Variants in PWWP3B observed in about 807,000 individuals in gnomAD.
PWWP3B encodes the protein PWWP domain containing 3B.
In PWWP3B, 5 loss-of-function variants were observed where a neutral mutation model predicts 15.7. The observed-to-expected ratio is 0.32, with a 90% CI of 0.17 to 0.67. The LOEUF is 0.67. PWWP3B is among the 30% of genes least tolerant of loss of function. PWWP3B has a pLI of 0.74. For missense variants in PWWP3B, 519 were observed against 493.1 expected, an observed-to-expected ratio of 1.05 and a Z score of -0.50; for synonymous variants, 203 against 179.8, an observed-to-expected ratio of 1.13 and a Z score of -1.03.
At chrX:106,185,037 A>G (rs777383829) in intron 2 of PWWP3B, among the ~76,000 whole-genome samples, 1 of 111,533 alleles carries the variant, frequency 9.0e-6, no homozygotes, top group East Asian at 2.8e-4. Context: ...ATAGTTGTGG[A>G]TTCTCCTTCA....
chrX:106,169,206 C>T (rs762902594), intron 1 of PWWP3B, among the ~76,000 whole-genome samples: 210 of 111,417 alleles, frequency 1.9e-3, no homozygotes, highest in African/African-American at 6.6e-3. Flanking sequence ...GAGATGAGAA[C>T]TTAAAATCAT....
Position 106,206,099 on chromosome X carries a change from G to T in PWWP3B, c.667G>T (p.Ala223Ser), listed in dbSNP as rs771919979. ...CTCAGCAGTTATGTCTGTGCATTCT[G>T]CAGTCAAAGAGGAAAGTGCATGTGT... ...DISAVMSVHSAVKEESACVKD... is the reference protein window; with the variant it reads ...DISAVMSVHSSVKEESACVKD... Residue 223 changes from alanine to serine, a missense_variant, in exon 4 of 4, where the codon GCA becomes TCA. Transcript: ENST00000357175. 29 of 1,211,150 alleles carry T rather than the reference G, an allele frequency of 2.4e-5. No homozygotes were observed. The highest frequency in any genetic ancestry group is 3.1e-5 in the Non-Finnish European group (28 of 895,063).
At chrX:106,190,478 C>G (rs1922855478) in intron 2 of PWWP3B, among the ~76,000 whole-genome samples, 1 of 111,076 alleles carries the variant, frequency 9.0e-6, no homozygotes, top group Admixed American at 9.6e-5. Context: ...CAAAAATTTT[C>G]TCCCATTTTG....
intron 2 of PWWP3B, among the ~76,000 whole-genome samples, chrX:106,202,327 G>A (rs934548693): frequency 9.0e-6 from 1 of 111,596 alleles, no homozygotes; most frequent in African/African-American, 3.3e-5. Context: ...ATGTGGCCAG[G>A]TCACCATTTT....
At chrX:106,200,997 G>A (rs1244555458) in intron 2 of PWWP3B, among the ~76,000 whole-genome samples, 1 of 108,337 alleles carries the variant, frequency 9.2e-6, no homozygotes, top group Non-Finnish European at 1.9e-5. Flanking sequence ...GCAGTGAGCC[G>A]AGATCACGCC....
intron 2 of PWWP3B, among the ~76,000 whole-genome samples, chrX:106,192,191 A>T (rs1923024421): frequency 9.0e-6 from 1 of 111,194 alleles, no homozygotes; most frequent in Non-Finnish European, 1.9e-5. Flanking sequence ...TTGGTTGGTA[A>T]ACTATTGATT....
intron 2 of PWWP3B, among the ~76,000 whole-genome samples, chrX:106,174,273 C>A (rs1449856935): frequency 9.0e-6 from 1 of 111,554 alleles, no homozygotes; most frequent in Non-Finnish European, 1.9e-5. Context: ...TTTACCCACT[C>A]ACTGTGATAA....
At chrX:106,174,385 T>A (rs1341965220) in intron 2 of PWWP3B, among the ~76,000 whole-genome samples, 1 of 111,747 alleles carries the variant, frequency 8.9e-6, no homozygotes, top group Non-Finnish European at 1.9e-5. Flanking sequence ...CCATTAGCAA[T>A]GTGTAGGTTC....
intron 2 of PWWP3B, among the ~76,000 whole-genome samples, chrX:106,193,262 C>T (rs1923125494): frequency 9.0e-6 from 1 of 111,542 alleles, no homozygotes; most frequent in South Asian, 3.8e-4. Context: ...GTTAGCTCTT[C>T]TTGTTGAATT....
chrX:106,197,578 A>AT (rs1923455458), intron 2 of PWWP3B, among the ~76,000 whole-genome samples: 1 of 112,298 alleles, frequency 8.9e-6, no homozygotes, highest in Non-Finnish European at 1.9e-5. Context: ...GTCCTGAGTC[A>AT]TTTTTCTGAG....
chrX:106,185,857 C>T (rs1411033095), intron 2 of PWWP3B, among the ~76,000 whole-genome samples: 1 of 111,710 alleles, frequency 9.0e-6, no homozygotes, highest in Non-Finnish European at 1.9e-5. Flanking sequence ...TTCTGAGGCT[C>T]CCCATATCCT....
rs377171301 is a variant in PWWP3B at position 106,206,080 on chromosome X, A to G, written c.648A>G (p.Ala216=). The change falls in exon 4 of 4, where the codon GCA becomes GCG. Residue 216 remains alanine (A), a synonymous_variant. Coordinates refer to ENST00000357175, the MANE Select transcript of PWWP3B (RefSeq NM_001171020.2). ...ACAAGAATAAGATTGATATCTCAGC[A>G]GTTATGTCTGTGCATTCTGCAGTCA... ...KENKNKIDIS[A]VMSVHSAVKE... is the part of the protein sequence containing the mutation. The G allele has an allele frequency of 2.5e-6, 3 of 1,209,823 alleles. No homozygotes were observed. Among genetic ancestry groups the G allele is most frequent in the Non-Finnish European group, 3.4e-6 (3 of 894,965 alleles).
intron 2 of PWWP3B, among the ~76,000 whole-genome samples, chrX:106,196,414 C>T (rs1264113609): frequency 8.9e-6 from 1 of 111,868 alleles, no homozygotes; most frequent in African/African-American, 3.2e-5. Flanking sequence ...TAATCATAGG[C>T]TTTTTATTTT....
chrX:106,194,572 C>T (rs1159512308), intron 2 of PWWP3B, among the ~76,000 whole-genome samples: 1 of 112,154 alleles, frequency 8.9e-6, no homozygotes, highest in Non-Finnish European at 1.9e-5. Flanking sequence ...AGCTTTGTTC[C>T]ATTGCTGTTG....
chrX:106,180,591 A>G (rs1263911344), intron 2 of PWWP3B, among the ~76,000 whole-genome samples: 1 of 111,821 alleles, frequency 8.9e-6, no homozygotes, highest in African/African-American at 3.2e-5. Context: ...TGAACAAGCT[A>G]CAGAAGAAGA....
At chrX:106,198,228 A>G (rs1480476747) in intron 2 of PWWP3B, among the ~76,000 whole-genome samples, 1 of 110,917 alleles carries the variant, frequency 9.0e-6, no homozygotes, top group Non-Finnish European at 1.9e-5. Flanking sequence ...CACCCTCACA[A>G]CTTCCTTGGT....
At chrX:106,188,173 A>G (rs949397828) in intron 2 of PWWP3B, among the ~76,000 whole-genome samples, 1 of 111,941 alleles carries the variant, frequency 8.9e-6, no homozygotes, top group Non-Finnish European at 1.9e-5. Context: ...CTCTCAATGA[A>G]AGAGATAATT....
chrX:106,205,693 A>G lies in PWWP3B; in HGVS notation c.261A>G (p.Gly87=). The G allele has an allele frequency of 8.3e-7, 1 of 1,211,680 alleles. No individual in the cohort carries two copies. Among genetic ancestry groups the G allele is most frequent in the South Asian group, 1.8e-5 (1 of 56,875 alleles). ...SAPPTEETAY[G]RSLKVALGIL... ...CACCTACAGAGGAAACTGCCTATGG[A>G]AGATCACTAAAAGTGGCACTGGGTA... Residue 87 remains glycine (G), a synonymous_variant, in exon 4 of 4, where the codon GGA becomes GGG. Transcript: ENST00000357175.
chrX:106,191,709 C>T (rs991473176), intron 2 of PWWP3B, among the ~76,000 whole-genome samples: 3 of 111,072 alleles, frequency 2.7e-5, no homozygotes, highest in East Asian at 2.8e-4. Flanking sequence ...TTTTGAGATA[C>T]GTCCCATCAG....
Sources: allele counts gnomAD v4.1 joint callset (sites outside exome capture counted in the v4.1 genomes callset), GRCh38; gene constraint gnomAD v4.1.1; transcripts MANE v1.5; gene names NCBI Gene and HGNC (gene_info 2026-07-23, HGNC 2026-07-21).